TBC1D9: variants seen among roughly 807,000 people sequenced by gnomAD.
The protein encoded by TBC1D9 is TBC1 domain family member 9.
Under a neutral mutation model 132.0 loss-of-function variants are expected in TBC1D9, and 63 were observed. That is an observed-to-expected ratio of 0.48 (90% CI 0.39 to 0.59). TBC1D9 has a LOEUF of 0.59. Ranked by LOEUF, TBC1D9 falls within the 20% of genes least tolerant of loss-of-function variation. TBC1D9 has a pLI of 0.00. For missense variants in TBC1D9, 1,261 were observed against 1,592.7 expected, an observed-to-expected ratio of 0.79 and a Z score of 3.54; for synonymous variants, 610 against 609.9, an observed-to-expected ratio of 1.00 and a Z score of 0.00.
chr4:140,645,155 C>T, intron 13 of TBC1D9: 1 of 558,798 alleles, frequency 1.8e-6, no homozygotes, highest in Non-Finnish European at 3.4e-6. Flanking sequence ...GGTCAGCCAG[C>T]TCATTACTCT....
chr4:140,624,669 T>C (rs1325379725), intron 18 of TBC1D9, among the ~76,000 whole-genome samples: 1 of 152,200 alleles, frequency 6.6e-6, no homozygotes, highest in Non-Finnish European at 1.5e-5. Context: ...TTTTACTACA[T>C]GTCCCATAAT....
intron 1 of TBC1D9, among the ~76,000 whole-genome samples, chr4:140,742,133 C>G (rs1738767770): frequency 6.6e-6 from 1 of 152,150 alleles, no homozygotes; most frequent in Non-Finnish European, 1.5e-5. Context: ...AATAAATCTC[C>G]TTAAATATTT....
At chr4:140,677,450 AG>A (rs960595831) in intron 5 of TBC1D9, among the ~76,000 whole-genome samples, 4 of 152,030 alleles carry the variant, frequency 2.6e-5, no homozygotes, top group African/African-American at 7.2e-5. Flanking sequence ...AAGCCACTTT[AG>A]GGGGGGCCTT....
intron 1 of TBC1D9, among the ~76,000 whole-genome samples, chr4:140,727,185 C>A (rs776115005): frequency 7.9e-5 from 12 of 152,196 alleles, no homozygotes; most frequent in Admixed American, 2.6e-4. Flanking sequence ...CAAAACACAG[C>A]CATAATGAGT....
intron 1 of TBC1D9, among the ~76,000 whole-genome samples, chr4:140,741,364 C>T (rs893611396): frequency 6.6e-6 from 1 of 152,168 alleles, no homozygotes; most frequent in Non-Finnish European, 1.5e-5. Context: ...CTTTCCAAAT[C>T]TCCTCCAGAT....
At chr4:140,733,692 T>C (rs949599733) in intron 1 of TBC1D9, among the ~76,000 whole-genome samples, 5 of 152,222 alleles carry the variant, frequency 3.3e-5, no homozygotes, top group Non-Finnish European at 4.4e-5. Flanking sequence ...TCACAGGGTA[T>C]ATGGAATCTA....
chr4:140,730,607 T>C (rs1342411178), intron 1 of TBC1D9, among the ~76,000 whole-genome samples: 1 of 151,906 alleles, frequency 6.6e-6, no homozygotes, highest in Non-Finnish European at 1.5e-5. Context: ...GGTGCTACAA[T>C]CCCAGCTACT....
At chr4:140,743,159 A>G (rs1363518155) in intron 1 of TBC1D9, among the ~76,000 whole-genome samples, 5 of 152,218 alleles carry the variant, frequency 3.3e-5, no homozygotes, top group African/African-American at 4.8e-5. Context: ...AACTGCCTAA[A>G]TATCAGACAG....
rs779801489 is a variant in TBC1D9, at chr4:140,666,062, T to C, written c.1588+2855A>G. Among the ~76,000 whole-genome samples, 342 of 152,234 alleles carry C rather than the reference T, an allele frequency of 2.2e-3. 2 individuals are homozygous for C. Among genetic ancestry groups the C allele is most frequent in the Non-Finnish European group, 6.6e-4 (45 of 68,020 alleles). On this transcript the variant is annotated intron_variant, in intron 9 of 20. Coordinates refer to ENST00000442267, the MANE Select transcript of TBC1D9 (RefSeq NM_015130.3). ...AAAGTAGAAACAACCTAAATGTTTA[T>C]CAACTGAAAAACGAATGAACAGAGT...
intron 13 of TBC1D9, chr4:140,641,855 C>T (rs1156239150): frequency 3.0e-6 from 1 of 338,388 alleles, no homozygotes; most frequent in Non-Finnish European, 5.6e-6. Flanking sequence ...GGCCTCCTCA[C>T]CCCCCATCTC....
At chr4:140,631,180 G>A (rs1036396836) in intron 16 of TBC1D9, among the ~76,000 whole-genome samples, 9 of 152,178 alleles carry the variant, frequency 5.9e-5, no homozygotes, top group Non-Finnish European at 1.5e-5. Context: ...CGCACTGTTG[G>A]AGAAAGAGAT....
chr4:140,692,025 A>G (rs1247876761), intron 2 of TBC1D9, among the ~76,000 whole-genome samples: 1 of 152,214 alleles, frequency 6.6e-6, no homozygotes, highest in African/African-American at 2.4e-5. Context: ...GATTCATAAT[A>G]AATTTTTTTC....
chr4:140,665,216 A>G (rs1737425268), intron 9 of TBC1D9, among the ~76,000 whole-genome samples: 1 of 152,172 alleles, frequency 6.6e-6, no homozygotes, highest in Admixed American at 6.5e-5. Context: ...TCATGAGAGC[A>G]GAGTGACAAA....
At chr4:140,679,350 TA>T in intron 4 of TBC1D9, 147 bp from the exon 5 acceptor site, 1 of 896,314 alleles carries the variant, frequency 1.1e-6, no homozygotes, top group African/African-American at 1.7e-5. Flanking sequence ...TTTTAAGAGG[TA>T]AATCTGGGCC....
chr4:140,643,927 G>C (rs1361918606), intron 13 of TBC1D9: 10 of 670,734 alleles, frequency 1.5e-5, no homozygotes, highest in Non-Finnish European at 2.8e-5. Context: ...TCTGCGGGGC[G>C]CTCGTCCACA....
intron 6 of TBC1D9, among the ~76,000 whole-genome samples, chr4:140,676,327 T>C (rs1386089992): frequency 1.3e-5 from 2 of 152,206 alleles, no homozygotes; most frequent in African/African-American, 4.8e-5. Flanking sequence ...CATCCCCTGA[T>C]TGCTGGCCTC....
intron 1 of TBC1D9, among the ~76,000 whole-genome samples, chr4:140,731,862 C>A (rs1031718535): frequency 2.4e-4 from 36 of 152,124 alleles, no homozygotes; most frequent in African/African-American, 7.7e-4. Flanking sequence ...TCTCTTCTTT[C>A]CACCATACCA....
intron 6 of TBC1D9, among the ~76,000 whole-genome samples, chr4:140,671,270 C>A (rs1391740084): frequency 6.6e-6 from 1 of 152,062 alleles, no homozygotes; most frequent in Non-Finnish European, 1.5e-5. Flanking sequence ...TAGCAGAGTC[C>A]CGGGATGCTG....
chr4:140,643,826 C>T, intron 13 of TBC1D9: 1 of 730,668 alleles, frequency 1.4e-6, no homozygotes, highest in Admixed American at 2.1e-5. Flanking sequence ...CCTGGGCCTC[C>T]AACGGGCCAC....
Sources: allele counts gnomAD v4.1 joint callset (sites outside exome capture counted in the v4.1 genomes callset), GRCh38; gene constraint gnomAD v4.1.1; transcripts MANE v1.5; gene names NCBI Gene and HGNC (gene_info 2026-07-23, HGNC 2026-07-21).